SPAG16: variants seen among roughly 807,000 people sequenced by gnomAD.
SPAG16 encodes the protein sperm associated antigen 16, also known as sperm-associated antigen 16 protein.
A neutral mutation model predicts 80.4 loss-of-function variants in SPAG16; 86 were observed. The observed-to-expected ratio is 1.07, with a 90% CI of 0.90 to 1.28. The LOEUF is 1.28. Ranked by LOEUF, SPAG16 falls within the 50% of genes most tolerant of loss-of-function variation. The pLI, the probability that SPAG16 is intolerant of heterozygous loss-of-function variation, is 0.00. For missense variants in SPAG16, 870 were observed against 765.3 expected (o/e 1.14, Z -1.61); for synonymous variants, 294 against 265.9 (o/e 1.11, Z -1.03).
At chr2:213,363,783 A>G (rs2066127635) in intron 7 of SPAG16, among the ~76,000 whole-genome samples, 1 of 152,106 alleles carries the variant, frequency 6.6e-6, no homozygotes, top group East Asian at 1.9e-4. Flanking sequence ...AGAGAATTGA[A>G]TAATTATTAA....
intron 5 of SPAG16, among the ~76,000 whole-genome samples, chr2:213,331,295 C>G (rs2064095161): frequency 6.6e-6 from 1 of 152,158 alleles, no homozygotes; most frequent in Non-Finnish European, 1.5e-5. Flanking sequence ...AAAAGGGACC[C>G]CACTGCCTTG....
At chr2:213,765,594 C>CAT (rs1553626207) in intron 10 of SPAG16, among the ~76,000 whole-genome samples, 24 of 150,286 alleles carry the variant, frequency 1.6e-4, no homozygotes, top group Admixed American at 1.4e-3. Context: ...CACAATGTCA[C>CAT]GTGTGTGTGT....
intron 13 of SPAG16, among the ~76,000 whole-genome samples, chr2:214,064,277 ATTATAC>A (rs2050426084): frequency 6.6e-6 from 1 of 152,098 alleles, no homozygotes; most frequent in Non-Finnish European, 1.5e-5. Flanking sequence ...ATAGTTTTTA[ATTATAC>A]TTATATATAT....
chr2:214,255,911 G>A (rs900208971), intron 15 of SPAG16, among the ~76,000 whole-genome samples: 2 of 151,870 alleles, frequency 1.3e-5, no homozygotes, highest in African/African-American at 4.8e-5. Flanking sequence ...TATCAATAAA[G>A]CTTCTGTGAA....
At chr2:213,657,722 C>A (rs993154583) in intron 10 of SPAG16, among the ~76,000 whole-genome samples, 1 of 152,014 alleles carries the variant, frequency 6.6e-6, no homozygotes, top group East Asian at 1.9e-4. Flanking sequence ...TTTTAAATAT[C>A]CTCTTAAAAC....
At chr2:214,242,191 A>G (rs931157809) in intron 15 of SPAG16, among the ~76,000 whole-genome samples, 1 of 152,192 alleles carries the variant, frequency 6.6e-6, no homozygotes, top group African/African-American at 2.4e-5. Flanking sequence ...TACTTCAAAC[A>G]TCAGCCAATC....
At chr2:214,019,735 GA>G (rs1363267362) in intron 13 of SPAG16, among the ~76,000 whole-genome samples, 1 of 152,044 alleles carries the variant, frequency 6.6e-6, no homozygotes, top group Admixed American at 6.6e-5. Flanking sequence ...CCAGAATGTG[GA>G]AACAAAGGGA....
At chr2:213,765,132 T>A (rs1430557098) in intron 10 of SPAG16, among the ~76,000 whole-genome samples, 3 of 152,196 alleles carry the variant, frequency 2.0e-5, no homozygotes, top group Non-Finnish European at 4.4e-5. Context: ...CTTTGGGAAG[T>A]GCCCGAGGCG....
intron 10 of SPAG16, among the ~76,000 whole-genome samples, chr2:213,821,099 G>T (rs116612783): frequency 6.6e-6 from 1 of 151,832 alleles, no homozygotes; most frequent in Admixed American, 6.6e-5. Flanking sequence ...CTTTTCCTCA[G>T]TCTGTGAATT....
intron 10 of SPAG16, among the ~76,000 whole-genome samples, chr2:213,577,548 G>A (rs1376478089): frequency 6.6e-6 from 1 of 152,096 alleles, no homozygotes; most frequent in African/African-American, 2.4e-5. Context: ...TCCAAAGTCT[G>A]TACTGGGGCT....
At chr2:214,016,735 C>A (rs2047610464) in intron 13 of SPAG16, among the ~76,000 whole-genome samples, 1 of 151,868 alleles carries the variant, frequency 6.6e-6, no homozygotes, top group South Asian at 2.1e-4. Flanking sequence ...TTGAAGAATG[C>A]CAATATGTGT....
intron 12 of SPAG16, among the ~76,000 whole-genome samples, chr2:213,949,730 G>A (rs73990006): frequency 0.087 from 13,272 of 152,108 alleles, 976 homozygotes; most frequent in African/African-American, 0.21. Flanking sequence ...ATAATGAGGC[G>A]TATGAAAGCA....
chr2:213,940,233 T>G (rs868763179), intron 12 of SPAG16, among the ~76,000 whole-genome samples: 57 of 152,146 alleles, frequency 3.7e-4, no homozygotes, highest in African/African-American at 1.1e-3. Context: ...ATGGTTCCAA[T>G]TTTAGAGGTG....
intron 10 of SPAG16, among the ~76,000 whole-genome samples, chr2:213,574,274 A>G (rs1326515628): frequency 2.6e-5 from 4 of 152,054 alleles, no homozygotes; most frequent in Admixed American, 6.6e-5. Flanking sequence ...ATTACTTTCC[A>G]TGACTGTTTT....
At chr2:214,231,848 T>C (rs937088485) in intron 15 of SPAG16, among the ~76,000 whole-genome samples, 1 of 152,122 alleles carries the variant, frequency 6.6e-6, no homozygotes, top group Non-Finnish European at 1.5e-5. Context: ...AAAAATTCAA[T>C]GTGACTTTTA....
intron 10 of SPAG16, among the ~76,000 whole-genome samples, chr2:213,517,431 T>C (rs1320111381): frequency 2.6e-5 from 4 of 152,196 alleles, no homozygotes; most frequent in African/African-American, 4.8e-5. Context: ...ACTACCAATG[T>C]CATTTTTCAC....
intron 10 of SPAG16, among the ~76,000 whole-genome samples, chr2:213,524,570 A>T (rs1311714603): frequency 6.6e-6 from 1 of 152,236 alleles, no homozygotes; most frequent in Non-Finnish European, 1.5e-5. Context: ...GAGCTGCCCA[A>T]GGCCATGGGA....
intron 10 of SPAG16, among the ~76,000 whole-genome samples, chr2:213,780,006 G>A (rs2069843423): frequency 6.6e-6 from 1 of 152,108 alleles, no homozygotes; most frequent in Admixed American, 6.5e-5. Context: ...GCTTAAAATA[G>A]CTACTAGGCA....
At chr2:213,998,284 A>G (rs192127501) in intron 12 of SPAG16, among the ~76,000 whole-genome samples, 51 of 152,212 alleles carry the variant, frequency 3.4e-4, no homozygotes, top group Middle Eastern at 6.8e-3. Flanking sequence ...CATAATTCCC[A>G]TGTGTTCTGG....
Sources: gnomAD v4.1 joint callset for allele counts (sites outside exome capture counted in the v4.1 genomes callset) on GRCh38, gnomAD v4.1.1 for gene constraint, MANE v1.5 for transcripts, NCBI Gene and HGNC (gene_info 2026-07-23, HGNC 2026-07-21) for gene names.